The following MGST2 variants were observed in gnomAD, a reference collection of about 807,000 sequenced individuals.
MGST2 encodes microsomal glutathione S-transferase 2, also known as glutathione peroxidase MGST2.
A neutral mutation model predicts 16.6 loss-of-function variants in MGST2; 9 were observed. The ratio of observed to expected loss-of-function variants is 0.54; its 90% CI spans 0.33 to 0.95. The LOEUF (loss-of-function observed/expected upper bound fraction) is 0.95, where lower values mean the gene tolerates loss of function less well. Among genes scored for constraint, MGST2 ranks in the 40% least tolerant of loss-of-function variants. The pLI is 0.03. For synonymous variants in MGST2, 79 were observed against 68.0 expected, an observed-to-expected ratio of 1.16 and a Z score of -0.79; for missense variants, 159 against 175.1, an observed-to-expected ratio of 0.91 and a Z score of 0.52.
intron 3 of MGST2, chr4:139,698,634 G>T: frequency 1.2e-6 from 1 of 861,000 alleles, no homozygotes; most frequent in Non-Finnish European, 1.9e-6. Flanking sequence ...GCGTTGGAGA[G>T]CCAAGTATGT....
At chr4:139,691,578 T>A (rs1726582811) in intron 2 of MGST2, among the ~76,000 whole-genome samples, 1 of 152,026 alleles carries the variant, frequency 6.6e-6, no homozygotes, top group African/African-American at 2.4e-5. Flanking sequence ...ATTCCAGGTA[T>A]TTCAAGGCCA....
chr4:139,693,691 T>C (rs759449632), intron 2 of MGST2, among the ~76,000 whole-genome samples: 11 of 152,196 alleles, frequency 7.2e-5, no homozygotes, highest in Admixed American at 2.6e-4. Flanking sequence ...GGAAAAACTT[T>C]GGTTACTTCT....
rs1029605786 is a variant in MGST2 at position 139,665,968 on chromosome 4, A to G, written c.-52A>G. The G allele has an allele frequency of 1.3e-6, 2 of 1,591,478 alleles. No homozygotes were observed. The highest frequency in any genetic ancestry group is 1.3e-5 in the African/African-American group (1 of 74,514). On this transcript the variant is annotated 5_prime_UTR_variant, in exon 1 of 5. Coordinates refer to ENST00000265498, the MANE Select transcript of MGST2 (RefSeq NM_002413.5). Reference sequence around the variant, plus strand: ...ATAAGGAAGGTCAGCATTCAAAGTCAAGAAGCGCCATTTATCTTCCCGTGC... The same window carrying G: ...ATAAGGAAGGTCAGCATTCAAAGTCGAGAAGCGCCATTTATCTTCCCGTGC...
intron 1 of MGST2, among the ~76,000 whole-genome samples, chr4:139,666,944 T>C (rs1421803566): frequency 6.6e-6 from 1 of 152,270 alleles, no homozygotes; most frequent in Non-Finnish European, 1.5e-5. Context: ...GTTTTGAGAT[T>C]GTATGAAGAT....
intron 2 of MGST2, among the ~76,000 whole-genome samples, chr4:139,691,862 C>T (rs1427798655): frequency 2.0e-5 from 3 of 152,098 alleles, no homozygotes; most frequent in African/African-American, 4.8e-5. Flanking sequence ...CCACGCCCGG[C>T]TAATTTTTTA....
chr4:139,687,357 C>T (rs975583879), intron 2 of MGST2, among the ~76,000 whole-genome samples: 9 of 152,202 alleles, frequency 5.9e-5, no homozygotes, highest in African/African-American at 1.7e-4. Flanking sequence ...TAGGATAAAT[C>T]GGGCCAAACC....
chr4:139,726,709 G>C (rs1728485968), intron 5 of MGST2, among the ~76,000 whole-genome samples: 2 of 152,154 alleles, frequency 1.3e-5, no homozygotes, highest in African/African-American at 4.8e-5. Flanking sequence ...TTACTGCTTT[G>C]AGGAAACCAT....
chr4:139,730,693 G>T, intron 5 of MGST2: 1 of 1,593,736 alleles, frequency 6.3e-7, no homozygotes. Flanking sequence ...AGAGGGAGAT[G>T]CAGGGATTCC....
chr4:139,696,666 G>T (rs911109941), intron 3 of MGST2, among the ~76,000 whole-genome samples: 1 of 152,180 alleles, frequency 6.6e-6, no homozygotes, highest in Non-Finnish European at 1.5e-5. Flanking sequence ...GATTGGCTCT[G>T]TTGTAAATCC....
intron 5 of MGST2, chr4:139,725,852 C>T: frequency 1.2e-6 from 2 of 1,610,142 alleles, no homozygotes; most frequent in Non-Finnish European, 1.7e-6. Flanking sequence ...CAACAGAACA[C>T]AAGAGGGGTG....
chr4:139,719,881 C>G, intron 5 of MGST2: 1 of 1,613,984 alleles, frequency 6.2e-7, no homozygotes, highest in South Asian at 1.1e-5. Flanking sequence ...GGACTGTTCC[C>G]ATAAGGCTCT....
rs2132845 is a variant in MGST2 at position 139,665,971 on chromosome 4, A to T, written c.-49A>T. The T allele has an allele frequency of 0.084, 133,845 of 1,594,494 alleles. 7,699 individuals carry two copies. The highest frequency in any genetic ancestry group is 0.25 in the African/African-American group (18,943 of 74,572). ...AGGAAGGTCAGCATTCAAAGTCAAG[A>T]AGCGCCATTTATCTTCCCGTGCGCT... On this transcript the variant is annotated 5_prime_UTR_variant, in exon 1 of 5. Transcript: ENST00000265498.
chr4:139,719,179 G>T, intron 5 of MGST2: 1 of 920,028 alleles, frequency 1.1e-6, no homozygotes, highest in Non-Finnish European at 1.6e-6. Context: ...ATTGGCACCT[G>T]GATCTTCCAT....
chr4:139,750,590 G>C, the MGST2 span, among the ~76,000 whole-genome samples: 1 of 152,092 alleles, frequency 6.6e-6, no homozygotes, highest in African/African-American at 2.4e-5. Context: ...CGACACACTG[G>C]AATTCACTCC....
At chr4:139,668,917 G>A (rs1730517077) in intron 1 of MGST2, among the ~76,000 whole-genome samples, 1 of 152,112 alleles carries the variant, frequency 6.6e-6, no homozygotes, top group Non-Finnish European at 1.5e-5. Context: ...GTATGATAAA[G>A]ATGTTCCTGT....
rs188873839 is a variant in MGST2, at chr4:139,721,889, G to A, written c.*48+17693G>A. ...TGTCATGCAGTTTTGTGACCTTAAC[G>A]ACTAAATTTTTATCGGCTGCATGGC... On this transcript the variant is annotated intron_variant, in intron 5 of 5. Coordinates refer to the MGST2 transcript ENST00000616265. Among the ~76,000 whole-genome samples the A allele has an allele frequency of 8.5e-5, 13 of 152,182 alleles. No individual in the cohort carries two copies. The East Asian group carries it at 1.7e-3, about 20-fold the overall frequency.
chr4:139,708,608 TG>T (rs1727611316), downstream of MGST2, among the ~76,000 whole-genome samples: 1 of 152,158 alleles, frequency 6.6e-6, no homozygotes, highest in Non-Finnish European at 1.5e-5. Context: ...AGAAAGTCAT[TG>T]GTAGCTTGAT....
In MGST2 at chr4:139,735,777, C is replaced by T. The variant is rs1291944088; in HGVS notation, c.*49-4435C>T. 6.6e-6 allele frequency among the ~76,000 whole-genome samples: 1 copy of T among 152,196 alleles called. No homozygotes were observed. Among genetic ancestry groups the T allele is most frequent in the African/African-American group, 2.4e-5 (1 of 41,458 alleles). On this transcript the variant is annotated intron_variant, in intron 5 of 5. Coordinates refer to the MGST2 transcript ENST00000616265. The surrounding 1 kb of genome is among the most constrained non-coding windows in gnomAD (Gnocchi z 5.8). ...AGTCAGGAGTGGGGCCCGTGCGTCC[C>T]CGGCAGGACCTAGACTGCCTCTCGG... is the stretch of plus-strand genomic sequence containing the variant.
At chr4:139,745,070 C>T (rs1729277303), downstream of MGST2, among the ~76,000 whole-genome samples, 1 of 152,320 alleles carries the variant, frequency 6.6e-6, no homozygotes, top group African/African-American at 2.4e-5. Flanking sequence ...GAAAGAGCTT[C>T]ATGGATTAGC....
Sources: allele counts gnomAD v4.1 joint callset (sites outside exome capture counted in the v4.1 genomes callset), GRCh38; gene constraint gnomAD v4.1.1; non-coding constraint Gnocchi (gnomAD v3.1); transcripts MANE v1.5; gene names NCBI Gene and HGNC (gene_info 2026-07-23, HGNC 2026-07-21).